Variants in RAPH1 observed in about 807,000 individuals in gnomAD.
RAPH1 encodes ras-associated and pleckstrin homology domains-containing protein 1.
In RAPH1, 18 loss-of-function variants were observed where a neutral mutation model predicts 88.1. The ratio of observed to expected loss-of-function variants is 0.20; its 90% confidence interval spans 0.14 to 0.30. The LOEUF (loss-of-function observed/expected upper bound fraction) is 0.30. Ranked by LOEUF, RAPH1 falls within the 10% of genes least tolerant of loss-of-function variation. RAPH1 has a pLI of 1.00. For synonymous variants in RAPH1, 587 were observed against 559.0 expected, an observed-to-expected ratio of 1.05 and a Z score of -0.71; for missense variants, 1,448 against 1,543.2, an observed-to-expected ratio of 0.94 and a Z score of 1.03.
At chr2:203,488,850 A>G (rs1391473394) in intron 4 of RAPH1, among the ~76,000 whole-genome samples, 1 of 152,100 alleles carries the variant, frequency 6.6e-6, no homozygotes, top group Non-Finnish European at 1.5e-5. Context: ...AGGGCCGGGC[A>G]CAGTGGCTCA....
At chr2:203,507,041 C>T (rs976792748) in intron 1 of RAPH1, among the ~76,000 whole-genome samples, 9 of 149,716 alleles carry the variant, frequency 6.0e-5, no homozygotes, top group Non-Finnish European at 8.9e-5. Flanking sequence ...GGATTACAGG[C>T]GCCTGCCACC....
chr2:203,457,244 G>C (rs2098520373), intron 8 of RAPH1, among the ~76,000 whole-genome samples: 1 of 151,962 alleles, frequency 6.6e-6, no homozygotes, highest in South Asian at 2.1e-4. Context: ...CTGGAATGCA[G>C]TGGTGCAATC....
chr2:203,481,088 T>A (rs1687700399), intron 4 of RAPH1, among the ~76,000 whole-genome samples: 2 of 152,288 alleles, frequency 1.3e-5, no homozygotes, highest in East Asian at 1.9e-4. Flanking sequence ...AAAATATTTT[T>A]AAAAAATACA....
At chr2:203,503,939 G>A (rs973285082) in intron 1 of RAPH1, among the ~76,000 whole-genome samples, 1 of 152,154 alleles carries the variant, frequency 6.6e-6, no homozygotes, top group Non-Finnish European at 1.5e-5. Context: ...TTGGCTCCAG[G>A]TCTCACATCC....
chr2:203,441,252 AGGAGGGGGTGGT>A lies in RAPH1; in HGVS notation c.1926_1937del (p.Pro645_Pro648del), dbSNP rs754496884. ...GTGCAGACTGGCTGGGGAGTGGGGG[AGGAGGGGGTGGT>A]GGAGGGGGTGGTGGAGGAGGAGGTG... On this transcript the variant is annotated inframe_deletion, in exon 14 of 14. Transcript: ENST00000319170. 213 of 301,448 alleles carry A rather than the reference AGGAGGGGGTGGT, an allele frequency of 7.1e-4. 1 individual carries two copies. Among genetic ancestry groups the A allele is most frequent in the East Asian group, 1.5e-3 (9 of 6,026 alleles). The allele number at this position is 301,448 out of a possible 1,614,324, so 18.7% of individuals were successfully genotyped here.
chr2:203,445,561 G>GTA (rs1464071315), intron 12 of RAPH1: 1 of 152,634 alleles, frequency 6.6e-6, no homozygotes, highest in Non-Finnish European at 1.5e-5. Context: ...CAGCTGTGCT[G>GTA]TATCCTGGCC....
chr2:203,488,607 A>C (rs1405690223), intron 4 of RAPH1, among the ~76,000 whole-genome samples: 6 of 148,648 alleles, frequency 4.0e-5, no homozygotes, highest in Admixed American at 1.3e-4. Context: ...AAAAAAAAAA[A>C]AAAAAAAAAA....
rs1482880637 is a variant in RAPH1, at chr2:203,454,599, C to A, written c.1303-59G>T. The A allele has an allele frequency of 1.1e-5, 14 of 1,241,088 alleles. No homozygotes were observed. The South Asian group carries it at 1.7e-4, about 15-fold the overall frequency. 76.9% of individuals were successfully genotyped at this position (1,241,088 alleles called of 1,614,324 possible). On this transcript the variant is annotated intron_variant, in intron 9 of 13. Transcript: ENST00000319170. ...AATAATGCACAAACAAGCAAATATA[C>A]CTGGTTAACATTTTCTAGGTGAGAA...
At chr2:203,472,989 G>T (rs1288871849) in intron 4 of RAPH1, among the ~76,000 whole-genome samples, 1 of 152,114 alleles carries the variant, frequency 6.6e-6, no homozygotes, top group East Asian at 1.9e-4. Flanking sequence ...ATGGTTGGTG[G>T]TCCCAAAATA....
At position 203,444,856 on chromosome 2, in the gene RAPH1, C is replaced by T. The variant is rs1237345277; in HGVS notation, c.1776+12G>A. ...ACAGAATTTTCAATGTAAATTAAAA[C>T]GAAGCTGTTACCTTGCTGGACTCTT... On this transcript the variant is annotated intron_variant, in intron 13 of 13. Transcript: ENST00000319170. The T allele has an allele frequency of 4.3e-6, 7 of 1,610,744 alleles. No homozygotes were observed. Among genetic ancestry groups the T allele is most frequent in the African/African-American group, 1.3e-5 (1 of 74,722 alleles).
In RAPH1 at chr2:203,440,617, A is replaced by G. The variant is rs768355883; in HGVS notation, c.2573T>C (p.Val858Ala). Reference sequence around the variant, plus strand: ...GGCTATCTGCTTCACGACCGAGGGCACCGGTGACAGTGGAGAGGGAGGGGG... The same window carrying G: ...GGCTATCTGCTTCACGACCGAGGGCGCCGGTGACAGTGGAGAGGGAGGGGG... Reference protein sequence around the residue: ...AKPPPSPLSPVPSVVKQIASQ... With the variant: ...AKPPPSPLSPAPSVVKQIASQ... The change falls in exon 14 of 14, where the codon GTG becomes GCG. Residue 858 changes from valine to alanine, a missense_variant. Around this residue, in one of 2 missense-constraint regions of RAPH1, gnomAD observed 935 missense variants for 890.1 expected, o/e 1.05. Transcript: ENST00000319170. The G allele has an allele frequency of 2.8e-5, 44 of 1,544,218 alleles. 1 individual carries two copies. The Middle Eastern group carries it at 1.7e-3, about 61-fold the overall frequency.
chr2:203,458,039 C>T (rs1256911653), intron 7 of RAPH1, among the ~76,000 whole-genome samples: 38 of 152,112 alleles, frequency 2.5e-4, no homozygotes, highest in Non-Finnish European at 4.9e-4. Flanking sequence ...TTCTCTGGGA[C>T]TCATTTATTA....
chr2:203,470,158 T>C (rs1052633454), intron 4 of RAPH1: 1 of 878,778 alleles, frequency 1.1e-6, no homozygotes, highest in East Asian at 2.5e-5. Flanking sequence ...AAAATAATAA[T>C]ATAAGAGCAT....
Position 203,440,480 on chromosome 2 carries a change from A to C in RAPH1, c.2710T>G (p.Trp904Gly). Residue 904 changes from tryptophan to glycine, a missense_variant, in exon 14 of 14, where the codon TGG becomes GGG. Physicochemically the swap from Trp to Gly is radical, Grantham distance 184. Transcript: ENST00000319170. ...GGGACTGGGATGGAGCTGGGCTGCC[A>C]CTTGGGCTTTGCTTTTACTGCAGGA... ...SPPAVKAKPK[W>G]QPSSIPVPSP... 1 of 1,532,326 alleles carries C rather than the reference A, an allele frequency of 6.5e-7. No homozygotes were observed. The highest frequency in any genetic ancestry group is 8.8e-7 in the Non-Finnish European group (1 of 1,141,796). The allele number at this position is 1,532,326 out of a possible 1,614,324, so 94.9% of individuals were successfully genotyped here. A position where few individuals can be genotyped will look rare whatever the true frequency, so the allele number is the denominator to read the frequency against.
At position 203,438,306 on chromosome 2, in the gene RAPH1, G is replaced by C; in HGVS notation, c.*1131C>G. ...CCAGATTAATGACACCTGTACAGGG[G>C]CCAGTTCTGTTCTCTCATCACCCTT... On this transcript the variant is annotated 3_prime_UTR_variant, in exon 14 of 14. Coordinates refer to ENST00000319170, the MANE Select transcript of RAPH1 (RefSeq NM_213589.3). 1 of 409,322 alleles carries C rather than the reference G, an allele frequency of 2.4e-6. No individual in the cohort carries two copies. Among genetic ancestry groups the C allele is most frequent in the African/African-American group, 2.1e-5 (1 of 48,680 alleles). 25.4% of individuals were successfully genotyped at this position (409,322 alleles called of 1,614,324 possible).
At position 203,489,796 on chromosome 2, in the gene RAPH1, A is replaced by G. The variant is rs780220292; in HGVS notation, c.520T>C (p.Ser174Pro). ...SLSMDEAAQQSVLEDTKPLVT... is the reference protein window; with the variant it reads ...SLSMDEAAQQPVLEDTKPLVT... ...AAGGGTTTAGTATCTTCTAGTACAG[A>G]TTGCTGAGCAGCCTCATCCATACTC... Residue 174 changes from serine to proline, a missense_variant, in exon 4 of 14, where the codon TCT (serine) becomes CCT (proline). Around this residue, in one of 2 missense-constraint regions of RAPH1, gnomAD observed 513 missense variants for 653.1 expected, o/e 0.79. Coordinates refer to ENST00000319170, the MANE Select transcript of RAPH1 (RefSeq NM_213589.3). 2.5e-6 allele frequency: 4 copies of G among 1,614,214 alleles called. No individual in the cohort carries two copies. The highest frequency in any genetic ancestry group is 1.6e-4 in the Middle Eastern group (1 of 6,062).
chr2:203,513,019 G>C (rs796885449), intron 1 of RAPH1, among the ~76,000 whole-genome samples: 10 of 152,246 alleles, frequency 6.6e-5, no homozygotes, highest in African/African-American at 2.4e-4. Flanking sequence ...AGTAAAAACA[G>C]ACTTTCATTA....
chr2:203,528,456 A>G (rs188784305), intron 1 of RAPH1, among the ~76,000 whole-genome samples: 67 of 152,346 alleles, frequency 4.4e-4, no homozygotes, highest in Non-Finnish European at 7.3e-4. Flanking sequence ...ACTTTGTACT[A>G]GCCCAATCTG....
chr2:203,439,680 G>A lies in RAPH1; in HGVS notation c.3510C>T (p.Asn1170=), dbSNP rs752987182. ...SVQPGFLADL[N]RTLQRKSITR... ...TGATGGACTTTCGTTGCAGTGTCCTGTTGAGGTCAGCCAGGAATCCAGGCT... is the reference window on the plus strand; with the variant it reads ...TGATGGACTTTCGTTGCAGTGTCCTATTGAGGTCAGCCAGGAATCCAGGCT... Residue 1170 remains asparagine (N), a synonymous_variant, in exon 14 of 14, where the codon AAC becomes AAT. Coordinates refer to ENST00000319170, the MANE Select transcript of RAPH1 (RefSeq NM_213589.3). The A allele has an allele frequency of 1.2e-5, 19 of 1,614,122 alleles. No homozygotes were observed. The highest frequency in any genetic ancestry group is 2.2e-5 in the East Asian group (1 of 44,874).
Sources: allele counts gnomAD v4.1 joint callset (sites outside exome capture counted in the v4.1 genomes callset), GRCh38; gene constraint gnomAD v4.1.1; regional missense constraint gnomAD v4.1.1; transcripts MANE v1.5; gene names NCBI Gene and HGNC (gene_info 2026-07-23, HGNC 2026-07-21).